Variants in AGRN observed in about 807,000 individuals in gnomAD.
The protein encoded by AGRN is agrin, also known as agrin proteoglycan.
AGRN carries 106 observed loss-of-function variants against 211.0 expected under a neutral mutation model. The ratio of observed to expected loss-of-function variants is 0.50; its 90% CI spans 0.43 to 0.59. The LOEUF (loss-of-function observed/expected upper bound fraction) is 0.59. Among genes scored for constraint, AGRN ranks in the 20% least tolerant of loss-of-function variants. AGRN has a pLI of 0.00. For missense variants in AGRN, 3,040 were observed against 2,982.6 expected, an observed-to-expected ratio of 1.02 and a Z score of -0.45; for synonymous variants, 1,525 against 1,332.5, an observed-to-expected ratio of 1.14 and a Z score of -3.15.
chr1:1,054,009 T>G, intron 34 of AGRN, 32 bp downstream of exon 34: 1 of 1,557,006 alleles, frequency 6.4e-7, no homozygotes, highest in Non-Finnish European at 8.7e-7. Flanking sequence ...CCGAGAATAG[T>G]GGCGAGGGCT....
At position 1,054,903 on chromosome 1, in the gene AGRN, G is replaced by C; in HGVS notation, c.6060G>C (p.Val2020=). 6.5e-7 allele frequency: 1 copy of C among 1,549,326 alleles called. No individual in the cohort carries two copies. Among genetic ancestry groups the C allele is most frequent in the Non-Finnish European group, 8.7e-7 (1 of 1,147,486 alleles). ...GTGFVGCLRD[V]VVGRHPLHLL... ...GCTTTGTGGGCTGCTTGCGGGACGT[G>C]GTGGTGGGCCGGCACCCGCTGCACC... is the stretch of plus-strand genomic sequence containing the variant. The change falls in exon 36 of 36, where the codon GTG becomes GTC. Residue 2020 remains valine, a synonymous_variant. Transcript: ENST00000379370.
intron 2 of AGRN, among the ~76,000 whole-genome samples, chr1:1,033,407 C>T (rs1010058927): frequency 1.1e-4 from 17 of 151,648 alleles, no homozygotes. Context: ...CCCCCCGAGC[C>T]CCCTGCGGCG....
chr1:1,026,863 T>A (rs967017273), intron 2 of AGRN, among the ~76,000 whole-genome samples: 8 of 152,320 alleles, frequency 5.3e-5, no homozygotes, highest in African/African-American at 1.7e-4. Context: ...GGAGGCTCTG[T>A]ACCCCTGCAC....
chr1:1,044,493 C>T, intron 12 of AGRN, 54 bp downstream of exon 12: 1 of 1,538,318 alleles, frequency 6.5e-7, no homozygotes, highest in Non-Finnish European at 8.8e-7. Context: ...GTCTGGGTTT[C>T]CGTGTCTGGA....
chr1:1,045,852 C>T lies in AGRN; in HGVS notation c.2656C>T (p.Leu886=), dbSNP rs1343116368. 6.2e-7 allele frequency: 1 copy of T among 1,611,280 alleles called. No individual in the cohort carries two copies. The highest frequency in any genetic ancestry group is 8.5e-7 in the Non-Finnish European group (1 of 1,179,858). The change falls in exon 15 of 36, where the codon CTG becomes TTG. Residue 886 remains leucine (L), a synonymous_variant. Transcript: ENST00000379370. Reference sequence around the variant, plus strand: ...TGGGCAGTGTCCAGACGGCCGTGCCCTGGGCCCCGCGGGCTGTGAAGCTGG... The same window carrying T: ...TGGGCAGTGTCCAGACGGCCGTGCCTTGGGCCCCGCGGGCTGTGAAGCTGG... ...KCGQCPDGRA[L]GPAGCEADAS...
intron 2 of AGRN, among the ~76,000 whole-genome samples, chr1:1,026,288 G>A (rs1466932278): frequency 6.6e-6 from 1 of 152,142 alleles, no homozygotes; most frequent in African/African-American, 2.4e-5. Flanking sequence ...GGCACCTGCT[G>A]CAGCCTCCAG....
In AGRN at chr1:1,055,791, G is replaced by T. The variant is rs927562847; in HGVS notation, c.*810G>T. 2.6e-5 allele frequency: 4 copies of T among 152,486 alleles called. No individual in the cohort carries two copies. Among genetic ancestry groups the T allele is most frequent in the African/African-American group, 9.6e-5 (4 of 41,456 alleles). The allele number at this position is 152,486 out of a possible 1,614,324, so 9.4% of individuals were successfully genotyped here. On this transcript the variant is annotated 3_prime_UTR_variant, in exon 36 of 36. Coordinates refer to ENST00000379370, the MANE Select transcript of AGRN (RefSeq NM_198576.4). ...CATCTTTCCCATCTCGCCTGAGAGCGGCTGAGGGCTGCCTCACTGCAAATC... is the reference window on the plus strand; with the variant it reads ...CATCTTTCCCATCTCGCCTGAGAGCTGCTGAGGGCTGCCTCACTGCAAATC...
chr1:1,036,755 T>A (rs534226509), intron 3 of AGRN, among the ~76,000 whole-genome samples: 64 of 149,350 alleles, frequency 4.3e-4, no homozygotes, highest in African/African-American at 1.5e-3. Flanking sequence ...TCCCAAAGGC[T>A]CCTCAGAGCA....
Position 1,049,266 on chromosome 1 carries a change from G to T in AGRN, c.4329G>T (p.Leu1443=). The T allele has an allele frequency of 6.3e-7, 1 of 1,594,326 alleles. No individual in the cohort carries two copies. Among genetic ancestry groups the T allele is most frequent in the South Asian group, 1.1e-5 (1 of 89,868 alleles). The part of the protein sequence containing the change: ...RFDTGSGPAV[L]TSAVPVEPGQ... ...ACACAGGTTCGGGGCCGGCGGTGCT[G>T]ACCAGTGCCGTGCCGGTAGAGCCGG... The change falls in exon 25 of 36, where the codon CTG becomes CTT. Residue 1443 remains leucine, a synonymous_variant. Transcript: ENST00000379370.
rs772664750 is a variant in AGRN, at chr1:1,042,124, A to C, written c.1346A>C (p.Gln449Pro). 2 of 1,600,702 alleles carry C rather than the reference A, an allele frequency of 1.2e-6. No individual in the cohort carries two copies. The highest frequency in any genetic ancestry group is 1.7e-6 in the Non-Finnish European group (2 of 1,178,240). The change falls in exon 7 of 36, where the codon CAG (glutamine) becomes CCG (proline). Residue 449 changes from glutamine (Q) to proline (P), a missense_variant. Around this residue, in one of 3 missense-constraint regions of AGRN, gnomAD observed 1,498 missense variants for 1,457.8 expected, o/e 1.03. Coordinates refer to ENST00000379370, the MANE Select transcript of AGRN (RefSeq NM_198576.4). ...DCWRQQAECRQQRAIPSKHQG... is the reference protein window; with the variant it reads ...DCWRQQAECRPQRAIPSKHQG... ...TGGCGGCAGCAGGCTGAGTGCCGGC[A>C]GCAGCGTGCCATCCCCAGCAAGCAC...
At chr1:1,030,309 G>A (rs1644634516) in intron 2 of AGRN, among the ~76,000 whole-genome samples, 1 of 141,904 alleles carries the variant, frequency 7.0e-6, no homozygotes, top group African/African-American at 2.8e-5. Flanking sequence ...GCATGTGTGT[G>A]TGTGCAGTGC....
chr1:1,050,053 C>A lies in AGRN; in HGVS notation c.4879+16C>A. ...TGCCAGACAGGTCGGGGGCGTGGGGCTCTCGGGGCAGGGGGGGGGGGGGGG... is the reference window on the plus strand; with the variant it reads ...TGCCAGACAGGTCGGGGGCGTGGGGATCTCGGGGCAGGGGGGGGGGGGGGG... On this transcript the variant is annotated intron_variant, in intron 27 of 35. Coordinates refer to ENST00000379370, the MANE Select transcript of AGRN (RefSeq NM_198576.4). 1 of 1,080,024 alleles carries A rather than the reference C, an allele frequency of 9.3e-7. No homozygotes were observed. Among genetic ancestry groups the A allele is most frequent in the Non-Finnish European group, 1.3e-6 (1 of 772,482 alleles). 66.9% of individuals were successfully genotyped at this position (1,080,024 alleles called of 1,614,324 possible).
Position 1,049,663 on chromosome 1 carries a change from G to A in AGRN, c.4612G>A (p.Ala1538Thr). ...QRLELGIGPG[A>T]ATRGSGVGEC... The stretch of plus-strand genomic sequence containing the variant: ...CCTGGAGCTTGGCATTGGGCCGGGG[G>A]CTGCCACCCGAGGCTCTGGCGTGGG... The change falls in exon 26 of 36, where the codon GCT becomes ACT. Residue 1538 changes from alanine to threonine, a missense_variant. By Grantham distance (58) the Ala-to-Thr change is moderately conservative. This residue lies in a region of AGRN where 1,537 missense variants were observed against 1,505.0 expected (regional missense o/e 1.02). Coordinates refer to ENST00000379370, the MANE Select transcript of AGRN (RefSeq NM_198576.4). 1 of 1,578,792 alleles carries A rather than the reference G, an allele frequency of 6.3e-7. No homozygotes were observed. Among genetic ancestry groups the A allele is most frequent in the East Asian group, 2.3e-5 (1 of 43,230 alleles).
chr1:1,023,363 G>A (rs1026047935), intron 2 of AGRN, among the ~76,000 whole-genome samples: 8 of 152,180 alleles, frequency 5.3e-5, no homozygotes, highest in Non-Finnish European at 8.8e-5. Context: ...GCAGGGGGAG[G>A]GGCAGCACCC....
chr1:1,025,957 T>C (rs1443230369), intron 2 of AGRN, among the ~76,000 whole-genome samples: 1 of 152,074 alleles, frequency 6.6e-6, no homozygotes, highest in Non-Finnish European at 1.5e-5. Context: ...GTCTTTGACT[T>C]CTCCTGGGCT....
In AGRN at chr1:1,050,104, C is replaced by G. The variant is rs1430402512; in HGVS notation, c.4879+67C>G. 5 of 1,571,314 alleles carry G rather than the reference C, an allele frequency of 3.2e-6. No individual in the cohort carries two copies. The South Asian group carries it at 3.4e-5, about 11-fold the overall frequency. ...TTGAACGTTTGGGCGGGTACAGGTT[C>G]CAGGTAGCATTGCAGTTAGGATGCG... On this transcript the variant is annotated intron_variant, in intron 27 of 35. Transcript: ENST00000379370.
At chr1:1,021,584 C>T (rs1036031527) in intron 1 of AGRN, among the ~76,000 whole-genome samples, 7 of 152,242 alleles carry the variant, frequency 4.6e-5, no homozygotes, top group African/African-American at 9.6e-5. Context: ...CCGTGAGGGC[C>T]GCCAGGTCGG....
chr1:1,044,653 A>C (rs932127226), intron 12 of AGRN, among the ~76,000 whole-genome samples: 1 of 152,172 alleles, frequency 6.6e-6, no homozygotes, highest in Non-Finnish European at 1.5e-5. Flanking sequence ...GCACCAGGCC[A>C]GGCCTCAGTG....
rs565120675 is a variant in AGRN, at chr1:1,054,958, C to T, written c.6115C>T (p.Leu2039=). 2.7e-5 allele frequency: 42 copies of T among 1,548,846 alleles called. No individual in the cohort carries two copies. The South Asian group carries it at 4.8e-4, about 18-fold the overall frequency. ...LLEDAVTKPE[L]RPCPTP ...GGAGGACGCCGTCACCAAGCCAGAG[C>T]TGCGGCCCTGCCCCACCCCATGAGC... Residue 2039 remains leucine (L), a synonymous_variant, in exon 36 of 36, where the codon CTG becomes TTG. Coordinates refer to ENST00000379370, the MANE Select transcript of AGRN (RefSeq NM_198576.4).
Sources: allele counts gnomAD v4.1 joint callset (sites outside exome capture counted in the v4.1 genomes callset), GRCh38; gene constraint gnomAD v4.1.1; regional missense constraint gnomAD v4.1.1; transcripts MANE v1.5; gene names NCBI Gene and HGNC (gene_info 2026-07-23, HGNC 2026-07-21).